MAK: variants seen among roughly 807,000 people sequenced by gnomAD.
MAK encodes serine/threonine-protein kinase MAK.
MAK carries 65 observed loss-of-function variants against 82.6 expected under a neutral mutation model. The observed-to-expected ratio is 0.79, with a 90% CI of 0.64 to 0.97. The LOEUF (loss-of-function observed/expected upper bound fraction) is 0.97. Ranked by LOEUF, MAK falls within the 50% of genes least tolerant of loss-of-function variation. MAK has a pLI of 0.00. For missense variants in MAK, 703 were observed against 780.2 expected (o/e 0.90, Z 1.18); for synonymous variants, 250 against 274.2 (o/e 0.91, Z 0.87).
intron 8 of MAK, among the ~76,000 whole-genome samples, chr6:10,801,029 T>G (rs1336490741): frequency 6.6e-6 from 1 of 152,184 alleles, no homozygotes; most frequent in Non-Finnish European, 1.5e-5. Flanking sequence ...CATTCAGCTA[T>G]TTGTCAATTC....
chr6:10,825,890 C>T (rs1175557748), intron 2 of MAK, among the ~76,000 whole-genome samples: 1 of 152,184 alleles, frequency 6.6e-6, no homozygotes, highest in South Asian at 2.1e-4. Context: ...GACCTTCTAA[C>T]CTCTAACCAA....
chr6:10,837,423 C>T (rs1235662831), intron 1 of MAK, among the ~76,000 whole-genome samples: 1 of 152,198 alleles, frequency 6.6e-6, no homozygotes, highest in Non-Finnish European at 1.5e-5. Context: ...ACGTCCTGCC[C>T]GGTGCCTGCA....
chr6:10,799,259 GAGAT>G (rs1177675523), intron 8 of MAK, among the ~76,000 whole-genome samples: 4 of 152,148 alleles, frequency 2.6e-5, no homozygotes, highest in Non-Finnish European at 5.9e-5. Flanking sequence ...CTTACTAAGA[GAGAT>G]AAATGAAAAA....
chr6:10,818,760 G>T, intron 3 of MAK, 126 bp downstream of exon 3: 1 of 678,352 alleles, frequency 1.5e-6, no homozygotes, highest in South Asian at 1.6e-5. Flanking sequence ...ATTAATTTAG[G>T]AATATAAAGG....
At chr6:10,818,270 C>T (rs1305777922) in intron 3 of MAK, among the ~76,000 whole-genome samples, 1 of 152,118 alleles carries the variant, frequency 6.6e-6, no homozygotes, top group Admixed American at 6.6e-5. Context: ...AAATTGTATC[C>T]AAGTCTTTAA....
chr6:10,803,628 A>G, intron 7 of MAK, 92 bp downstream of exon 7: 1 of 1,082,636 alleles, frequency 9.2e-7, no homozygotes, highest in South Asian at 1.4e-5. Context: ...TCTAGGCAAA[A>G]GTTGTAAATA....
chr6:10,834,444 T>A (rs2127593513), intron 1 of MAK, among the ~76,000 whole-genome samples: 1 of 152,320 alleles, frequency 6.6e-6, no homozygotes, highest in South Asian at 2.1e-4. Context: ...AAACAAGCCA[T>A]TCTTATGAAC....
At chr6:10,810,630 C>T (rs1028319674) in intron 5 of MAK, among the ~76,000 whole-genome samples, 2 of 152,234 alleles carry the variant, frequency 1.3e-5, no homozygotes, top group African/African-American at 2.4e-5. Flanking sequence ...TGAGCCACCA[C>T]GGCCAGCTGG....
intron 12 of MAK, 52 bp downstream of exon 12, chr6:10,775,276 G>A: frequency 1.9e-6 from 3 of 1,597,088 alleles, no homozygotes; most frequent in East Asian, 2.3e-5. Flanking sequence ...TTTAAAAGTA[G>A]ACCTCTATAA....
chr6:10,772,696 T>C (rs1424086083), intron 13 of MAK, among the ~76,000 whole-genome samples: 3 of 152,026 alleles, frequency 2.0e-5, no homozygotes, highest in African/African-American at 7.2e-5. Flanking sequence ...TTCAGAACTT[T>C]GAAAAAAAAA....
chr6:10,789,778 G>C (rs503626), intron 10 of MAK, among the ~76,000 whole-genome samples: 113,823 of 152,020 alleles, frequency 0.75, 42,765 homozygotes, highest in East Asian at 0.85. Context: ...GCCTCAGCCT[G>C]CTGAGTAGCT....
At chr6:10,781,462 C>G (rs902987593) in intron 11 of MAK, among the ~76,000 whole-genome samples, 1 of 141,424 alleles carries the variant, frequency 7.1e-6, no homozygotes, top group Non-Finnish European at 1.5e-5. Context: ...CTCACTCTGT[C>G]ACCCAGGCTG....
intron 9 of MAK, among the ~76,000 whole-genome samples, chr6:10,794,437 G>T (rs1419136963): frequency 6.6e-6 from 1 of 152,136 alleles, no homozygotes; most frequent in Non-Finnish European, 1.5e-5. Flanking sequence ...AACATAAGAA[G>T]TAATTAACAG....
At chr6:10,775,602 TG>T (rs1773396452) in intron 11 of MAK, 143 bp from the exon 12 acceptor site, 2 of 889,882 alleles carry the variant, frequency 2.2e-6, no homozygotes, top group Non-Finnish European at 3.6e-6. Context: ...AGCAGATACT[TG>T]CTTTCTGATG....
chr6:10,823,332 C>A (rs1581761219), intron 2 of MAK, among the ~76,000 whole-genome samples: 3 of 152,162 alleles, frequency 2.0e-5, no homozygotes, highest in African/African-American at 7.2e-5. Context: ...AATTCCATAG[C>A]TGAACTTCTC....
intron 10 of MAK, among the ~76,000 whole-genome samples, chr6:10,787,976 T>C (rs150083510): frequency 2.6e-4 from 40 of 152,218 alleles, no homozygotes; most frequent in African/African-American, 7.2e-4. Context: ...TACTAATTGT[T>C]CCCTTGCTAG....
At chr6:10,790,505 C>T (rs1044939895) in intron 10 of MAK, among the ~76,000 whole-genome samples, 1 of 152,208 alleles carries the variant, frequency 6.6e-6, no homozygotes, top group Non-Finnish European at 1.5e-5. Context: ...AGGATGACCT[C>T]ACTTATAAAA....
chr6:10,826,292 G>A (rs1778366187), intron 2 of MAK, among the ~76,000 whole-genome samples: 1 of 137,158 alleles, frequency 7.3e-6, no homozygotes, highest in African/African-American at 2.8e-5. Context: ...AGGTCTCAAT[G>A]ACTTGGGAAG....
chr6:10,810,443 G>A (rs1383719595), intron 5 of MAK, among the ~76,000 whole-genome samples: 1 of 149,314 alleles, frequency 6.7e-6, no homozygotes, highest in Non-Finnish European at 1.5e-5. Context: ...GGGTTCAAGC[G>A]ATTCTCCTGC....
Sources: allele counts gnomAD v4.1 joint callset (sites outside exome capture counted in the v4.1 genomes callset), GRCh38; gene constraint gnomAD v4.1.1; transcripts MANE v1.5; gene names NCBI Gene and HGNC (gene_info 2026-07-23, HGNC 2026-07-21).